SAMD11: variants seen among roughly 807,000 people sequenced by gnomAD.
The protein encoded by SAMD11 is sterile alpha motif domain-containing protein 11.
In SAMD11, 77 loss-of-function variants were observed where a neutral mutation model predicts 64.4. That is an observed-to-expected ratio of 1.20 (90% CI 0.99 to 1.44). SAMD11 has a LOEUF of 1.44. SAMD11 is among the 40% of genes most tolerant of loss of function. The probability of loss-of-function intolerance (pLI) is 0.00; values close to 1 mark genes in which losing one functional copy is unlikely to be tolerated. For synonymous variants in SAMD11, 658 were observed against 421.9 expected (o/e 1.56, Z -6.86); for missense variants, 1,402 against 943.3 (o/e 1.49, Z -6.37).
intron 8 of SAMD11, among the ~76,000 whole-genome samples, chr1:941,616 AG>A (rs767092215): frequency 2.6e-5 from 4 of 151,614 alleles, no homozygotes; most frequent in Non-Finnish European, 5.9e-5. Flanking sequence ...CTGGAGGCGG[AG>A]GGGGGGTCCT....
Position 924,846 on chromosome 1 carries a change from C to G in SAMD11, c.415C>G (p.Pro139Ala), listed in dbSNP as rs925705529. The G allele has an allele frequency of 2.0e-5, 3 of 152,224 alleles. No individual in the cohort carries two copies. The highest frequency in any genetic ancestry group is 7.2e-5 in the African/African-American group (3 of 41,448). The allele number at this position is 152,224 out of a possible 1,614,324, so 9.4% of individuals were successfully genotyped here. ...CAAACTCTGCCAGGGCAGCAAGGGC[C>G]CGTCCATCCGCCACCGCGGCGAGTG... ...VRKLCQGSKG[P>A]SIRHRGEWLT... The change falls in exon 1 of 14, where the codon CCG becomes GCG. Residue 139 changes from proline to alanine, a missense_variant. Physicochemically the swap from Pro to Ala is conservative, Grantham distance 27 (BLOSUM62 -1). Transcript: ENST00000616016.
rs974960612 is a variant in SAMD11, at chr1:943,690, C to G, written c.2179-8C>G. 1.3e-6 allele frequency: 2 copies of G among 1,560,216 alleles called. No individual in the cohort carries two copies. The highest frequency in any genetic ancestry group is 1.4e-5 in the African/African-American group (1 of 73,730). On this transcript the variant is annotated splice_polypyrimidine_tract_variant and splice_region_variant and intron_variant, in intron 12 of 13. Transcript: ENST00000616016. ...CGGGTCCTGACCCTCCCTCCCTCCCCCTTCCAGGTCTTCAGGGAGCAGGGG... is the reference window on the plus strand; with the variant it reads ...CGGGTCCTGACCCTCCCTCCCTCCCGCTTCCAGGTCTTCAGGGAGCAGGGG...
At chr1:936,161 G>C (rs953289485) in intron 5 of SAMD11, among the ~76,000 whole-genome samples, 1 of 152,226 alleles carries the variant, frequency 6.6e-6, no homozygotes, top group Non-Finnish European at 1.5e-5. Flanking sequence ...CAGGGCAGAC[G>C]TAGGCGTGGC....
At chr1:934,866 ACAGGTGGGCG>A (rs1641341424) in intron 4 of SAMD11, among the ~76,000 whole-genome samples, 1 of 18,248 alleles carries the variant, frequency 5.5e-5, no homozygotes, top group Non-Finnish European at 1.2e-4. Flanking sequence ...CGGCTGCGTT[ACAGGTGGGCG>A]GGGGAGGCGG....
chr1:928,330 T>G (rs1342759857), intron 2 of SAMD11, among the ~76,000 whole-genome samples: 3 of 152,170 alleles, frequency 2.0e-5, no homozygotes, highest in Admixed American at 6.5e-5. Flanking sequence ...AGGCGGAGCT[T>G]GCAGTGAGCC....
chr1:944,559 TAAA>T lies in SAMD11; in HGVS notation c.*407_*409del. 2 of 631,866 alleles carry T rather than the reference TAAA, an allele frequency of 3.2e-6. No homozygotes were observed. The highest frequency in any genetic ancestry group is 2.7e-6 in the Non-Finnish European group (1 of 373,118). The allele number at this position is 631,866 out of a possible 1,614,324, so 39.1% of individuals were successfully genotyped here. ...ACGTTTGGTCTTTCATGCTGAAAAA[TAAA>T]TAATAAAGCCTGTCCCGTGTCTACT... On this transcript the variant is annotated 3_prime_UTR_variant, in exon 14 of 14. Transcript: ENST00000616016.
intron 4 of SAMD11, among the ~76,000 whole-genome samples, chr1:935,336 C>T (rs572837992): frequency 2.6e-5 from 4 of 152,182 alleles, no homozygotes; most frequent in Admixed American, 6.5e-5. Flanking sequence ...GTGCAGAAAT[C>T]GGGGGTCAGG....
intron 5 of SAMD11, among the ~76,000 whole-genome samples, chr1:936,443 T>C (rs1026879327): frequency 6.8e-6 from 1 of 146,356 alleles, no homozygotes; most frequent in African/African-American, 2.7e-5. Context: ...CGGTCCCGCC[T>C]TCTAGGGCTC....
chr1:924,560 G>A lies in SAMD11; in HGVS notation c.129G>A (p.Ala43=). 6.6e-6 allele frequency: 1 copy of A among 150,788 alleles called. No homozygotes were observed. The highest frequency in any genetic ancestry group is 1.9e-4 in the South Asian group (1 of 5,322). The allele number at this position is 150,788 out of a possible 1,614,324, so 9.3% of individuals were successfully genotyped here. The stretch of plus-strand genomic sequence containing the variant: ...GCTACCTGGCGCCACTGCCCGCGGC[G>A]GCCGCCCTCCCCCCGGCCGCCTCGC... ...LPGYLAPLPA[A]AALPPAASLP... The change falls in exon 1 of 14, where the codon GCG becomes GCA. Residue 43 remains alanine (A), a synonymous_variant. Transcript: ENST00000616016.
chr1:941,066 G>A (rs954958961), intron 7 of SAMD11, 78 bp from the exon 8 acceptor site: 2 of 1,354,664 alleles, frequency 1.5e-6, no homozygotes, highest in African/African-American at 1.4e-5. Flanking sequence ...CCCCACCTCA[G>A]TGTTCTACGC....
At position 924,459 on chromosome 1, in the gene SAMD11, G is replaced by T. The variant is rs1426132783; in HGVS notation, c.28G>T (p.Gly10Cys). The change falls in exon 1 of 14, where the codon GGC becomes TGC. Residue 10 changes from glycine (G) to cysteine (C), a missense_variant. Gly to Cys is a radical substitution (Grantham distance 159, BLOSUM62 -3). Transcript: ENST00000616016. ...GCCGGCGGTCAAGAAGGAGTTCCCG[G>T]GCCGCGAGGACCTGGCCCTGGCTCT... is the stretch of plus-strand genomic sequence containing the variant. MPAVKKEFP[G>C]REDLALALAT... 1 of 149,692 alleles carries T rather than the reference G, an allele frequency of 6.7e-6. No homozygotes were observed. Among genetic ancestry groups the T allele is most frequent in the Non-Finnish European group, 1.5e-5 (1 of 66,948 alleles). The allele number at this position is 149,692 out of a possible 1,614,324, so 9.3% of individuals were successfully genotyped here.
chr1:928,513 G>A (rs1641016602), intron 2 of SAMD11, among the ~76,000 whole-genome samples: 2 of 152,270 alleles, frequency 1.3e-5, no homozygotes, highest in Non-Finnish European at 2.9e-5. Flanking sequence ...CTCCGGACAG[G>A]CTGTGGCTGT....
In SAMD11 at chr1:944,320, G is replaced by T. The variant is rs774685381; in HGVS notation, c.*167G>T. 7.2e-7 allele frequency: 1 copy of T among 1,390,044 alleles called. No homozygotes were observed. The highest frequency in any genetic ancestry group is 9.3e-7 in the Non-Finnish European group (1 of 1,079,096). The allele number at this position is 1,390,044 out of a possible 1,614,324, so 86.1% of individuals were successfully genotyped here. On this transcript the variant is annotated 3_prime_UTR_variant, in exon 14 of 14. Coordinates refer to ENST00000616016, the MANE Select transcript of SAMD11 (RefSeq NM_001385641.1). ...AGGAACAAATTTTCAAAGACTTGGG[G>T]GAGTGAAGGCAGAGCCTGGTGCAGA...
At chr1:938,886 A>G (rs1641599921) in intron 5 of SAMD11, among the ~76,000 whole-genome samples, 154 bp from the exon 6 acceptor site, 2 of 152,058 alleles carry the variant, frequency 1.3e-5, no homozygotes, top group South Asian at 4.1e-4. Context: ...TCTGCGCTGA[A>G]GGCTGGGGCT....
At chr1:926,749 T>C (rs1640910712) in intron 2 of SAMD11, among the ~76,000 whole-genome samples, 1 of 151,892 alleles carries the variant, frequency 6.6e-6, no homozygotes, top group African/African-American at 2.4e-5. Context: ...GCAGCAAGGG[T>C]TAGAGGATTG....
chr1:938,126 G>A (rs2100339682), intron 5 of SAMD11, among the ~76,000 whole-genome samples: 1 of 152,290 alleles, frequency 6.6e-6, no homozygotes, highest in South Asian at 2.1e-4. Context: ...GGGCTTCGGA[G>A]GAGCTCGGGG....
chr1:944,530 C>A lies in SAMD11; in HGVS notation c.*377C>A. The A allele has an allele frequency of 1.6e-6, 1 of 627,476 alleles. No homozygotes were observed. Among genetic ancestry groups the A allele is most frequent in the Non-Finnish European group, 2.7e-6 (1 of 371,338 alleles). The allele number at this position is 627,476 out of a possible 1,614,324, so 38.9% of individuals were successfully genotyped here. ...CACCAGCCCAGCCCAGCCCAGCTCT[C>A]GATACGTTTGGTCTTTCATGCTGAA... On this transcript the variant is annotated 3_prime_UTR_variant, in exon 14 of 14. Coordinates refer to ENST00000616016, the MANE Select transcript of SAMD11 (RefSeq NM_001385641.1).
chr1:927,198 C>T (rs1393555462), intron 2 of SAMD11, among the ~76,000 whole-genome samples: 2 of 152,212 alleles, frequency 1.3e-5, no homozygotes, highest in Non-Finnish European at 2.9e-5. Flanking sequence ...CCGGCAGCCC[C>T]CTGTCTGCTG....
At chr1:928,482 G>A (rs991966543) in intron 2 of SAMD11, among the ~76,000 whole-genome samples, 2 of 152,260 alleles carry the variant, frequency 1.3e-5, no homozygotes, top group Non-Finnish European at 1.5e-5. Context: ...AGAGCTAAGC[G>A]GGACTTCCCA....
Sources: allele counts gnomAD v4.1 joint callset (sites outside exome capture counted in the v4.1 genomes callset), GRCh38; gene constraint gnomAD v4.1.1; transcripts MANE v1.5; gene names NCBI Gene and HGNC (gene_info 2026-07-23, HGNC 2026-07-21).